INPP4B: variants seen among roughly 807,000 people sequenced by gnomAD.
INPP4B encodes the protein inositol polyphosphate-4-phosphatase type II B.
In INPP4B, 55 loss-of-function variants were observed where a neutral mutation model predicts 122.5. The ratio of observed to expected loss-of-function variants is 0.45; its 90% CI spans 0.36 to 0.56. The LOEUF is 0.56. INPP4B is among the 20% of genes least tolerant of loss of function. INPP4B has a pLI of 0.00. For missense variants in INPP4B, 1,000 were observed against 1,097.7 expected (o/e 0.91, Z 1.26); for synonymous variants, 403 against 388.7 (o/e 1.04, Z -0.43).
intron 9 of INPP4B, among the ~76,000 whole-genome samples, chr4:142,303,761 A>T (rs1762362420): frequency 6.6e-6 from 1 of 152,164 alleles, no homozygotes; most frequent in Non-Finnish European, 1.5e-5. Flanking sequence ...TATATAATCA[A>T]GATCAAATGA....
chr4:142,644,740 T>TA (rs55700762), intron 2 of INPP4B, among the ~76,000 whole-genome samples: 5,466 of 71,030 alleles, frequency 0.077, 431 homozygotes, highest in Non-Finnish European at 0.086. Context: ...CATCTCTACT[T>TA]AAAAAAAAAA....
intron 5 of INPP4B, among the ~76,000 whole-genome samples, chr4:142,407,012 T>G (rs2149211495): frequency 6.6e-6 from 1 of 152,286 alleles, no homozygotes; most frequent in Admixed American, 6.5e-5. Context: ...ACACCACGAT[T>G]ATTACTCAAC....
chr4:142,054,472 T>C (rs1756473747), intron 25 of INPP4B, among the ~76,000 whole-genome samples: 1 of 152,048 alleles, frequency 6.6e-6, no homozygotes, highest in Non-Finnish European at 1.5e-5. Flanking sequence ...AGATGCTTCA[T>C]GGTGATAGGG....
chr4:142,649,158 G>T (rs1752419894), intron 2 of INPP4B, among the ~76,000 whole-genome samples: 1 of 152,158 alleles, frequency 6.6e-6, no homozygotes, highest in Non-Finnish European at 1.5e-5. Flanking sequence ...CTAACAAACA[G>T]AAAGGAATAG....
chr4:142,614,146 C>T (rs1003806175), intron 2 of INPP4B, among the ~76,000 whole-genome samples: 1 of 152,080 alleles, frequency 6.6e-6, no homozygotes. Context: ...TCACTTGAGG[C>T]TGGGAGGTGG....
chr4:142,263,298 T>C (rs1740979863), intron 10 of INPP4B, among the ~76,000 whole-genome samples: 1 of 152,174 alleles, frequency 6.6e-6, no homozygotes, highest in Admixed American at 6.5e-5. Flanking sequence ...TGGTTCCTAC[T>C]TATCCTTTCT....
At chr4:142,619,214 T>A (rs1047571754) in intron 2 of INPP4B, among the ~76,000 whole-genome samples, 1 of 151,978 alleles carries the variant, frequency 6.6e-6, no homozygotes, top group Admixed American at 6.6e-5. Flanking sequence ...AAATACTATA[T>A]AATCCAGTAA....
intron 2 of INPP4B, among the ~76,000 whole-genome samples, chr4:142,602,851 C>G (rs1308946936): frequency 6.6e-6 from 1 of 152,136 alleles, no homozygotes; most frequent in Non-Finnish European, 1.5e-5. Context: ...CCAGCAATCC[C>G]ATTACTGGGT....
At chr4:142,175,587 G>T (rs1042571308) in intron 15 of INPP4B, among the ~76,000 whole-genome samples, 2 of 151,118 alleles carry the variant, frequency 1.3e-5, no homozygotes, top group African/African-American at 4.8e-5. Context: ...ACCTTAATTT[G>T]CTATCATGTA....
chr4:142,316,251 G>A (rs958287413), intron 7 of INPP4B, among the ~76,000 whole-genome samples: 1 of 152,156 alleles, frequency 6.6e-6, no homozygotes, highest in African/African-American at 2.4e-5. Flanking sequence ...CTTCAACTCA[G>A]GACTGCATGA....
intron 25 of INPP4B, among the ~76,000 whole-genome samples, chr4:142,053,906 T>C (rs951493115): frequency 5.3e-5 from 8 of 152,102 alleles, no homozygotes; most frequent in Admixed American, 3.3e-4. Context: ...TCACAAAATA[T>C]AATTTAGTGT....
At chr4:142,736,820 A>G (rs1268289677) in intron 1 of INPP4B, among the ~76,000 whole-genome samples, 1 of 152,170 alleles carries the variant, frequency 6.6e-6, no homozygotes, top group Non-Finnish European at 1.5e-5. Context: ...CCCTGGCCAG[A>G]ACTTCCAACA....
chr4:142,067,561 G>T (rs921078830), intron 25 of INPP4B, among the ~76,000 whole-genome samples: 4 of 152,120 alleles, frequency 2.6e-5, no homozygotes, highest in South Asian at 2.1e-4. Flanking sequence ...CAAACCCATT[G>T]CAAGGAAGCT....
At chr4:142,766,117 A>G (rs1772082468) in intron 1 of INPP4B, 1 of 152,134 alleles carries the variant, frequency 6.6e-6, no homozygotes, top group South Asian at 2.1e-4. Flanking sequence ...GAAATATCAG[A>G]ATACCTACCC....
intron 7 of INPP4B, among the ~76,000 whole-genome samples, chr4:142,364,019 A>AGGG (rs79022594): frequency 0.42 from 63,071 of 151,520 alleles, 13,450 homozygotes; most frequent in East Asian, 0.64. Context: ...AAGATGGGAG[A>AGGG]GTGAGGGTGG....
At chr4:142,640,136 A>G (rs1263427484) in intron 2 of INPP4B, among the ~76,000 whole-genome samples, 1 of 152,172 alleles carries the variant, frequency 6.6e-6, no homozygotes, top group African/African-American at 2.4e-5. Flanking sequence ...CGAATGTCAT[A>G]TTTTCTACAA....
At chr4:142,423,798 G>A in intron 5 of INPP4B, 1 of 435,450 alleles carries the variant, frequency 2.3e-6, no homozygotes, top group Middle Eastern at 3.4e-4. Flanking sequence ...GGCTTACAGA[G>A]TGAATATGAA....
rs1021531493 is a variant in INPP4B at position 142,032,211 on chromosome 4, G to A, written c.2643-3297C>T. Among the ~76,000 whole-genome samples, 15 of 152,262 alleles carry A rather than the reference G, an allele frequency of 9.9e-5. No homozygotes were observed. The South Asian group carries it at 1.0e-3, about 10-fold the overall frequency. On this transcript the variant is annotated intron_variant, in intron 25 of 25. Coordinates refer to ENST00000262992, the MANE Select transcript of INPP4B (RefSeq NM_001101669.3). ...TTTAGGCTGGAGGACAAAGGGGCAT[G>A]AAGGAATACTGAGAGGGTGTTTTCT...
chr4:142,766,606 A>T (rs6814777), intron 1 of INPP4B: 3,755 of 152,260 alleles, frequency 0.025, 60 homozygotes, highest in Middle Eastern at 0.095. Flanking sequence ...CCTGACCTCA[A>T]GTGATTCTCC....
Sources: allele counts gnomAD v4.1 joint callset (sites outside exome capture counted in the v4.1 genomes callset), GRCh38; gene constraint gnomAD v4.1.1; transcripts MANE v1.5; gene names NCBI Gene and HGNC (gene_info 2026-07-23, HGNC 2026-07-21).